PCSK5: variants seen among roughly 807,000 people sequenced by gnomAD.
PCSK5 encodes the protein prohormone convertase 5.
A neutral mutation model predicts 233.2 loss-of-function variants in PCSK5; 129 were observed. The ratio of observed to expected loss-of-function variants is 0.55; its 90% CI spans 0.48 to 0.64. The LOEUF (loss-of-function observed/expected upper bound fraction) is 0.64, where lower values mean the gene tolerates loss of function less well. Ranked by LOEUF, PCSK5 falls within the 30% of genes least tolerant of loss-of-function variation. PCSK5 has a pLI of 0.00. For synonymous variants in PCSK5, 825 were observed against 879.2 expected, an observed-to-expected ratio of 0.94 and a Z score of 1.09; for missense variants, 2,076 against 2,430.1, an observed-to-expected ratio of 0.85 and a Z score of 3.06.
chr9:76,014,636 C>T (rs1827868544), intron 3 of PCSK5, among the ~76,000 whole-genome samples: 1 of 152,176 alleles, frequency 6.6e-6, no homozygotes, highest in African/African-American at 2.4e-5. Context: ...AAATTTCCCA[C>T]CGGACCTATA....
At chr9:76,082,970 AG>A (rs1830907033) in intron 7 of PCSK5, among the ~76,000 whole-genome samples, 1 of 152,112 alleles carries the variant, frequency 6.6e-6, no homozygotes, top group African/African-American at 2.4e-5. Context: ...GCACTCTGGG[AG>A]GCCAAGGCGG....
chr9:76,227,861 C>A (rs1415354543), intron 21 of PCSK5, among the ~76,000 whole-genome samples: 2 of 152,134 alleles, frequency 1.3e-5, no homozygotes, highest in East Asian at 1.9e-4. Context: ...CAATAGGGTG[C>A]CTTTGATGCC....
At chr9:76,062,122 C>T (rs1036648061) in intron 5 of PCSK5, among the ~76,000 whole-genome samples, 6 of 152,088 alleles carry the variant, frequency 3.9e-5, no homozygotes, top group Admixed American at 3.3e-4. Flanking sequence ...GTGGTGCACA[C>T]CTGTAGTCCT....
intron 21 of PCSK5, among the ~76,000 whole-genome samples, chr9:76,228,422 T>C (rs1177907459): frequency 1.3e-5 from 2 of 152,366 alleles, no homozygotes; most frequent in East Asian, 1.9e-4. Context: ...AAGGTTTTCA[T>C]TTACAAAGCT....
chr9:76,349,007 C>T (rs554506168), intron 35 of PCSK5, among the ~76,000 whole-genome samples: 1 of 151,970 alleles, frequency 6.6e-6, no homozygotes, highest in Admixed American at 6.6e-5. Context: ...TGTGGTGGCT[C>T]ACGCCTGTAA....
chr9:76,295,454 T>C lies in PCSK5; in HGVS notation c.3322+43T>C, dbSNP rs552489052. On this transcript the variant is annotated intron_variant, in intron 26 of 37. Transcript: ENST00000674117. ...ACCATCCAAGCTAAGAACCAGGCAC[T>C]GGAGCTCCACACAGTCGGGGCCACA... 1.4e-4 allele frequency: 226 copies of C among 1,595,756 alleles called. No homozygotes were observed. In the South Asian group the frequency reaches 2.4e-3, roughly 17 times the overall value.
intron 33 of PCSK5, among the ~76,000 whole-genome samples, chr9:76,329,486 A>G (rs994093834): frequency 2.0e-5 from 3 of 152,080 alleles, no homozygotes; most frequent in African/African-American, 7.2e-5. Flanking sequence ...GCCTCCTTTA[A>G]TATGAAATGT....
At chr9:76,347,519 CA>C (rs1429490490) in intron 35 of PCSK5, among the ~76,000 whole-genome samples, 2 of 152,114 alleles carry the variant, frequency 1.3e-5, no homozygotes, top group Admixed American at 6.5e-5. Flanking sequence ...ATTTGTCACC[CA>C]AAGCTGACAT....
At chr9:76,260,910 A>G (rs1827152418) in intron 24 of PCSK5, among the ~76,000 whole-genome samples, 1 of 152,194 alleles carries the variant, frequency 6.6e-6, no homozygotes, top group Admixed American at 6.5e-5. Flanking sequence ...ATTTCTTATA[A>G]ATATTATTAA....
Position 76,134,099 on chromosome 9 carries a change from C to A in PCSK5, c.1209-10C>A. 1.3e-6 allele frequency: 2 copies of A among 1,514,754 alleles called. No homozygotes were observed. Among genetic ancestry groups the A allele is most frequent in the Non-Finnish European group, 1.8e-6 (2 of 1,104,236 alleles). The allele number at this position is 1,514,754 out of a possible 1,614,324, so 93.8% of individuals were successfully genotyped here. The stretch of plus-strand genomic sequence containing the variant: ...TTTGGTACAATGATTCTTACCTTGT[C>A]TTTCCCCAGTCCGTTTCTGACCTGG... On this transcript the variant is annotated splice_polypyrimidine_tract_variant and intron_variant, in intron 9 of 37. Transcript: ENST00000674117.
At chr9:76,354,990 C>G (rs117113328) in intron 37 of PCSK5, among the ~76,000 whole-genome samples, 2,158 of 152,200 alleles carry the variant, frequency 0.014, 28 homozygotes, top group South Asian at 0.029. Context: ...TGAAAGTCAG[C>G]CCAAACCTAG....
At chr9:76,233,941 TAAG>T (rs1826175685) in intron 22 of PCSK5, among the ~76,000 whole-genome samples, 1 of 151,976 alleles carries the variant, frequency 6.6e-6, no homozygotes, top group Non-Finnish European at 1.5e-5. Context: ...CCTGGGGAAT[TAAG>T]AAAGACACGT....
chr9:75,990,389 A>T (rs953528444), intron 3 of PCSK5, among the ~76,000 whole-genome samples: 1 of 152,222 alleles, frequency 6.6e-6, no homozygotes, highest in Non-Finnish European at 1.5e-5. Context: ...GTGCAAAATC[A>T]TTATGTGTAG....
chr9:76,309,523 G>A (rs1369044814), intron 29 of PCSK5, among the ~76,000 whole-genome samples: 6 of 152,112 alleles, frequency 3.9e-5, no homozygotes, highest in East Asian at 3.9e-4. Flanking sequence ...GCAAGTCCCC[G>A]TCTCTACTAA....
chr9:76,055,384 A>G (rs1829783822), intron 5 of PCSK5, among the ~76,000 whole-genome samples: 2 of 152,152 alleles, frequency 1.3e-5, no homozygotes, highest in Admixed American at 1.3e-4. Flanking sequence ...AATAGACTAT[A>G]TGATTTCTTT....
rs147377784 is a variant in PCSK5 at position 76,255,062 on chromosome 9, G to A, written c.3142+14378G>A. The stretch of plus-strand genomic sequence containing the variant: ...AACACCTTGGGAGACTGAGGTGGGT[G>A]GATCACTTGAGGCCAGGAGTTTGAG... On this transcript the variant is annotated intron_variant, in intron 24 of 37. Transcript: ENST00000674117. Among the ~76,000 whole-genome samples, 942 of 152,176 alleles carry A rather than the reference G, an allele frequency of 6.2e-3. 13 individuals carry two copies. The highest frequency in any genetic ancestry group is 0.022 in the African/African-American group (894 of 41,518).
intron 1 of PCSK5, among the ~76,000 whole-genome samples, chr9:75,920,854 G>C (rs898161329): frequency 2.0e-5 from 3 of 151,872 alleles, no homozygotes; most frequent in Admixed American, 6.6e-5. Flanking sequence ...AAATGCTATA[G>C]AGCTCAAAAT....
At chr9:76,061,635 A>T (rs1435929248) in intron 5 of PCSK5, among the ~76,000 whole-genome samples, 2 of 152,314 alleles carry the variant, frequency 1.3e-5, no homozygotes, top group East Asian at 3.9e-4. Flanking sequence ...GAGTTTCCAA[A>T]ATAAATAATT....
intron 31 of PCSK5, 91 bp downstream of exon 31, chr9:76,321,730 G>A: frequency 1.3e-6 from 1 of 751,104 alleles, no homozygotes; most frequent in Non-Finnish European, 2.2e-6. Flanking sequence ...AGAGCTGTGG[G>A]AACCAGTCTC....
Sources: allele counts gnomAD v4.1 joint callset (sites outside exome capture counted in the v4.1 genomes callset), GRCh38; gene constraint gnomAD v4.1.1; transcripts MANE v1.5; gene names NCBI Gene and HGNC (gene_info 2026-07-23, HGNC 2026-07-21).